Variants in SCCPDH observed in about 807,000 individuals in gnomAD.
SCCPDH encodes the protein saccharopine dehydrogenase (putative).
In SCCPDH, 34 loss-of-function variants were observed where a neutral mutation model predicts 51.5. That is an observed-to-expected ratio of 0.66 (90% confidence interval 0.50 to 0.88). The LOEUF (loss-of-function observed/expected upper bound fraction) is 0.88, where lower values mean the gene tolerates loss of function less well. SCCPDH is among the 40% of genes least tolerant of loss of function. The pLI, the probability that SCCPDH is intolerant of heterozygous loss-of-function variation, is 0.00. For synonymous variants in SCCPDH, 187 were observed against 191.3 expected (o/e 0.98, Z 0.19); for missense variants, 464 against 527.1 (o/e 0.88, Z 1.17).
At position 246,758,949 on chromosome 1, in the gene SCCPDH, C is replaced by T. The variant is rs1248613493; in HGVS notation, c.696-85C>T. 3.7e-5 allele frequency: 31 copies of T among 827,412 alleles called. No homozygotes were observed. In the East Asian group the frequency reaches 7.4e-4, roughly 20 times the overall value. The allele number at this position is 827,412 out of a possible 1,614,324, so 51.3% of individuals were successfully genotyped here. On this transcript the variant is annotated intron_variant, in intron 6 of 11. Coordinates refer to ENST00000366510, the MANE Select transcript of SCCPDH (RefSeq NM_016002.3). ...GATTACAGGCATGAGCCACCATGCC[C>T]TGCCACTGATTTGCTTATTCAGACA... is the stretch of plus-strand genomic sequence containing the variant.
At chr1:246,724,729 A>G (rs1419256232) in intron 1 of SCCPDH, 117 bp downstream of exon 1, 1 of 901,746 alleles carries the variant, frequency 1.1e-6, no homozygotes, top group Non-Finnish European at 1.6e-6. Flanking sequence ...GCCCTGCGTG[A>G]GGACAAGAAG....
intron 5 of SCCPDH, among the ~76,000 whole-genome samples, chr1:246,756,457 T>G (rs1668933861): frequency 6.6e-6 from 1 of 152,250 alleles, no homozygotes; most frequent in Non-Finnish European, 1.5e-5. Context: ...TTAATAAAAT[T>G]GTATTAGGTA....
intron 9 of SCCPDH, among the ~76,000 whole-genome samples, chr1:246,761,852 A>G (rs57384976): frequency 0.24 from 36,625 of 152,184 alleles, 4,692 homozygotes; most frequent in South Asian, 0.3. Context: ...TGCTGCGAAC[A>G]TGGGTGTACA....
chr1:246,742,851 T>C (rs1352939410), intron 4 of SCCPDH, among the ~76,000 whole-genome samples: 3 of 152,238 alleles, frequency 2.0e-5, no homozygotes, highest in African/African-American at 7.2e-5. Flanking sequence ...AACTCAATAA[T>C]TAAATACTTA....
chr1:246,761,223 C>T (rs763881942), intron 9 of SCCPDH, among the ~76,000 whole-genome samples: 4 of 152,164 alleles, frequency 2.6e-5, no homozygotes, highest in Non-Finnish European at 5.9e-5. Context: ...TGCAGGAATG[C>T]GCCACCACGC....
Position 246,726,882 on chromosome 1 carries a change from C to T in SCCPDH, c.191-10C>T. 1 of 1,590,572 alleles carries T rather than the reference C, an allele frequency of 6.3e-7. No individual in the cohort carries two copies. The highest frequency in any genetic ancestry group is 8.6e-7 in the Non-Finnish European group (1 of 1,158,922). On this transcript the variant is annotated splice_polypyrimidine_tract_variant and intron_variant, in intron 1 of 11. Coordinates refer to ENST00000366510, the MANE Select transcript of SCCPDH (RefSeq NM_016002.3). Reference sequence around the variant, plus strand: ...GGGATTTACTTTCCTTCATTTGTTTCTTATTTTAGGAAGACCAACACTGTC... The same window carrying T: ...GGGATTTACTTTCCTTCATTTGTTTTTTATTTTAGGAAGACCAACACTGTC...
At chr1:246,734,952 T>G (rs1668545599) in intron 2 of SCCPDH, among the ~76,000 whole-genome samples, 1 of 152,248 alleles carries the variant, frequency 6.6e-6, no homozygotes, top group Admixed American at 6.5e-5. Flanking sequence ...CTCTGTTCAG[T>G]ATCAAACTTA....
Position 246,726,898 on chromosome 1 carries a change from C to A in SCCPDH, c.197C>A (p.Pro66Gln). The change falls in exon 2 of 12, where the codon CCA becomes CAA. Residue 66 changes from proline to glutamine, a missense_variant. Coordinates refer to ENST00000366510, the MANE Select transcript of SCCPDH (RefSeq NM_016002.3). ...CATTTGTTTCTTATTTTAGGAAGAC[C>A]AACACTGTCATCTGAAGTTGGAATC... is the stretch of plus-strand genomic sequence containing the variant. ...LEKAALKLGR[P>Q]TLSSEVGIII... 6.2e-7 allele frequency: 1 copy of A among 1,610,628 alleles called. No individual in the cohort carries two copies. Among genetic ancestry groups the A allele is most frequent in the South Asian group, 1.1e-5 (1 of 90,980 alleles).
chr1:246,757,715 C>T (rs1445406531), intron 5 of SCCPDH, among the ~76,000 whole-genome samples: 1 of 151,994 alleles, frequency 6.6e-6, no homozygotes, highest in Non-Finnish European at 1.5e-5. Context: ...TAACTTGGGG[C>T]TAGAGTAAGA....
intron 1 of SCCPDH, among the ~76,000 whole-genome samples, chr1:246,726,157 C>A (rs1012336791): frequency 2.0e-5 from 3 of 152,166 alleles, no homozygotes; most frequent in Non-Finnish European, 4.4e-5. Flanking sequence ...GCACCCAGCC[C>A]TGATGGTTTT....
chr1:246,734,713 A>G (rs1248700943), intron 2 of SCCPDH, among the ~76,000 whole-genome samples: 1 of 151,858 alleles, frequency 6.6e-6, no homozygotes, highest in Admixed American at 6.5e-5. Flanking sequence ...GGCTGGAAGA[A>G]AGAAACGATT....
rs537894747 is a variant in SCCPDH, at chr1:246,746,276, G to A, written c.564+2151G>A. ...GAGAGGATCGTGATTGATTGAGCAA[G>A]CAGGGGGTACATAACTGGGGGCTGC... On this transcript the variant is annotated intron_variant, in intron 5 of 11. Coordinates refer to ENST00000366510, the MANE Select transcript of SCCPDH (RefSeq NM_016002.3). Among the ~76,000 whole-genome samples the A allele has an allele frequency of 2.6e-5, 4 of 152,204 alleles. No individual in the cohort carries two copies. The East Asian group carries it at 7.7e-4, about 29-fold the overall frequency.
At chr1:246,740,085 G>C in intron 3 of SCCPDH, 87 bp from the exon 4 acceptor site, 2 of 1,084,302 alleles carry the variant, frequency 1.8e-6, no homozygotes, top group Non-Finnish European at 2.6e-6. Flanking sequence ...TCAAAGTTTG[G>C]TTGCTTTGTT....
chr1:246,764,200 G>A, intron 9 of SCCPDH, 46 bp from the exon 10 acceptor site: 1 of 1,150,096 alleles, frequency 8.7e-7, no homozygotes, highest in Non-Finnish European at 1.3e-6. Context: ...GTTCCAGGAG[G>A]AAATGACGTA....
chr1:246,737,162 A>G (rs1668606118), intron 3 of SCCPDH, among the ~76,000 whole-genome samples: 3 of 151,908 alleles, frequency 2.0e-5, no homozygotes, highest in South Asian at 4.2e-4. Context: ...CAGTTTATCA[A>G]TTGGTAAAAT....
intron 1 of SCCPDH, among the ~76,000 whole-genome samples, chr1:246,726,231 G>T (rs1668398394): frequency 6.6e-6 from 1 of 152,120 alleles, no homozygotes; most frequent in South Asian, 2.1e-4. Context: ...TTGTTTAGTG[G>T]TTGATGAGAA....
At chr1:246,725,615 A>G (rs1215925745) in intron 1 of SCCPDH, among the ~76,000 whole-genome samples, 1 of 152,236 alleles carries the variant, frequency 6.6e-6, no homozygotes. Context: ...AGAAGACACC[A>G]CGTAGGCTGG....
intron 4 of SCCPDH, 101 bp downstream of exon 4, chr1:246,740,402 A>G: frequency 1.0e-6 from 1 of 983,010 alleles, no homozygotes; most frequent in South Asian, 2.1e-5. Flanking sequence ...AAAAAGAAAC[A>G]TAGCCATAAA....
chr1:246,736,081 T>C lies in SCCPDH; in HGVS notation c.384+26T>C, dbSNP rs1668585325. ...GTATAAAAAATAAAAAGGAAAAACG[T>C]AGAATTAACACATAAATTTCGGTTT... On this transcript the variant is annotated intron_variant, in intron 3 of 11. Coordinates refer to ENST00000366510, the MANE Select transcript of SCCPDH (RefSeq NM_016002.3). 4.1e-6 allele frequency: 6 copies of C among 1,478,656 alleles called. No individual in the cohort carries two copies. In the African/African-American group the frequency reaches 7.0e-5, roughly 17 times the overall value. 91.6% of individuals were successfully genotyped at this position (1,478,656 alleles called of 1,614,324 possible).
Sources: gnomAD v4.1 joint callset for allele counts (sites outside exome capture counted in the v4.1 genomes callset) on GRCh38, gnomAD v4.1.1 for gene constraint, MANE v1.5 for transcripts, NCBI Gene and HGNC (gene_info 2026-07-23, HGNC 2026-07-21) for gene names.